The following FREM2 variants were observed in gnomAD, a reference collection of about 807,000 sequenced individuals.
FREM2 encodes FRAS1-related extracellular matrix protein 2.
FREM2 carries 119 observed loss-of-function variants against 219.9 expected under a neutral mutation model. That is an observed-to-expected ratio of 0.54 (90% confidence interval 0.47 to 0.63). The LOEUF (loss-of-function observed/expected upper bound fraction) is 0.63. Ranked by LOEUF, FREM2 falls within the 30% of genes least tolerant of loss-of-function variation. FREM2 has a pLI of 0.00. For missense variants in FREM2, 4,030 were observed against 3,993.6 expected, an observed-to-expected ratio of 1.01 and a Z score of -0.25; for synonymous variants, 1,562 against 1,522.8, an observed-to-expected ratio of 1.03 and a Z score of -0.60.
At chr13:38,708,485 C>G (rs1202414093) in intron 2 of FREM2, among the ~76,000 whole-genome samples, 3 of 152,014 alleles carry the variant, frequency 2.0e-5, no homozygotes, top group Non-Finnish European at 4.4e-5. Flanking sequence ...GAAACACTGT[C>G]TCTACTAAAA....
At chr13:38,745,195 A>G (rs1872416739) in intron 2 of FREM2, among the ~76,000 whole-genome samples, 1 of 152,226 alleles carries the variant, frequency 6.6e-6, no homozygotes, top group South Asian at 2.1e-4. Context: ...AATTAACCAG[A>G]TTCTAATCTG....
At chr13:38,776,266 C>G (rs1799698275) in intron 4 of FREM2, among the ~76,000 whole-genome samples, 2 of 152,242 alleles carry the variant, frequency 1.3e-5, no homozygotes, top group Admixed American at 1.3e-4. Flanking sequence ...TTTGAATGTG[C>G]CAAATTTCTT....
At chr13:38,724,405 G>A (rs1871424749) in intron 2 of FREM2, among the ~76,000 whole-genome samples, 2 of 152,162 alleles carry the variant, frequency 1.3e-5, no homozygotes, top group Non-Finnish European at 2.9e-5. Flanking sequence ...ATATGACAGA[G>A]TTAGAATTCA....
intron 3 of FREM2, among the ~76,000 whole-genome samples, chr13:38,766,322 C>T (rs1210893905): frequency 2.0e-5 from 3 of 151,836 alleles, no homozygotes; most frequent in African/African-American, 7.3e-5. Flanking sequence ...GTGGGGTTAA[C>T]GGCAGTTCTA....
chr13:38,784,749 G>A lies in FREM2; in HGVS notation c.5960G>A (p.Gly1987Glu). 2 of 1,614,150 alleles carry A rather than the reference G, an allele frequency of 1.2e-6. No individual in the cohort carries two copies. Among genetic ancestry groups the A allele is most frequent in the Non-Finnish European group, 1.7e-6 (2 of 1,179,992 alleles). The change falls in exon 6 of 24, where the codon GGA becomes GAA. Residue 1987 changes from glycine (G) to glutamate (E), a missense_variant. Gly to Glu is a moderately conservative substitution (Grantham distance 98, BLOSUM62 -2). Transcript: ENST00000280481. ...GTCCTTCTGAGCATGCCCATGGGGG[G>A]AAGAATCGGATCAGAGTTCCCAGGG... ...FHVLLSMPMG[G>E]RIGSEFPGAQ...
intron 2 of FREM2, among the ~76,000 whole-genome samples, chr13:38,747,111 C>CATA (rs796381913): frequency 3.9e-5 from 6 of 152,224 alleles, no homozygotes; most frequent in African/African-American, 1.2e-4. Flanking sequence ...CCCTACCTAC[C>CATA]TTGCCCACCA....
chr13:38,838,571 A>G (rs1295890956), intron 6 of FREM2, among the ~76,000 whole-genome samples: 1 of 151,994 alleles, frequency 6.6e-6, no homozygotes, highest in Non-Finnish European at 1.5e-5. Flanking sequence ...ACTTGGTTCT[A>G]TTCTCCCCAT....
chr13:38,740,224 ATACT>A (rs1455516458), intron 2 of FREM2, among the ~76,000 whole-genome samples: 3 of 152,218 alleles, frequency 2.0e-5, no homozygotes, highest in East Asian at 3.8e-4. Context: ...GTTTGCTCAA[ATACT>A]TAGGCTGTGG....
chr13:38,791,455 C>T (rs1257843071), intron 6 of FREM2, among the ~76,000 whole-genome samples: 1 of 152,164 alleles, frequency 6.6e-6, no homozygotes, highest in Non-Finnish European at 1.5e-5. Flanking sequence ...TCTCACGCTG[C>T]TGTGAAGAAA....
chr13:38,877,364 C>T, intron 21 of FREM2, 121 bp downstream of exon 21: 1 of 1,119,522 alleles, frequency 8.9e-7, no homozygotes. Flanking sequence ...GAGAATGTAA[C>T]TGGGTCTTTA....
intron 2 of FREM2, among the ~76,000 whole-genome samples, chr13:38,724,003 A>G (rs1428439447): frequency 1.3e-5 from 2 of 152,356 alleles, no homozygotes; most frequent in East Asian, 1.9e-4. Context: ...TGGCTCTGCT[A>G]CAATGGGTTC....
At chr13:38,803,204 T>C (rs944736300) in intron 6 of FREM2, among the ~76,000 whole-genome samples, 2 of 152,174 alleles carry the variant, frequency 1.3e-5, no homozygotes, top group Non-Finnish European at 2.9e-5. Context: ...ATATTACCTC[T>C]CAATAAAATT....
intron 21 of FREM2, among the ~76,000 whole-genome samples, chr13:38,877,764 T>TTATTCTA (rs1727512007): frequency 6.6e-6 from 1 of 152,268 alleles, no homozygotes; most frequent in African/African-American, 2.4e-5. Context: ...ACTTTCTTTC[T>TTATTCTA]TAGTGTTATT....
chr13:38,699,913 T>C (rs978432454), intron 2 of FREM2, among the ~76,000 whole-genome samples: 1 of 152,086 alleles, frequency 6.6e-6, no homozygotes, highest in African/African-American at 2.4e-5. Context: ...GTCTATACAA[T>C]GATAGTAGGC....
At chr13:38,877,385 C>G in intron 21 of FREM2, 142 bp downstream of exon 21, 1 of 943,250 alleles carries the variant, frequency 1.1e-6, no homozygotes, top group Non-Finnish European at 1.7e-6. Flanking sequence ...CCCACTCTGG[C>G]TGGTGTGGGA....
intron 2 of FREM2, among the ~76,000 whole-genome samples, chr13:38,753,287 A>T (rs1833470448): frequency 6.6e-6 from 1 of 152,188 alleles, no homozygotes; most frequent in African/African-American, 2.4e-5. Context: ...ATTATACTTA[A>T]TTTTAAACAC....
In FREM2 at chr13:38,881,570, A is replaced by G. The variant is rs1422395945; in HGVS notation, c.*783A>G. On this transcript the variant is annotated 3_prime_UTR_variant, in exon 24 of 24. Coordinates refer to ENST00000280481, the MANE Select transcript of FREM2 (RefSeq NM_207361.6). ...TGGTAATATACCTTATTGGTGCTCAACATTTGTGGGAAATTAGAGGGTTGG... is the reference window on the plus strand; with the variant it reads ...TGGTAATATACCTTATTGGTGCTCAGCATTTGTGGGAAATTAGAGGGTTGG... 6.5e-6 allele frequency: 1 copy of G among 152,724 alleles called. No individual in the cohort carries two copies. The highest frequency in any genetic ancestry group is 1.5e-5 in the Non-Finnish European group (1 of 68,124). The allele number at this position is 152,724 out of a possible 1,614,324, so 9.5% of individuals were successfully genotyped here.
chr13:38,733,192 A>G (rs1027851752), intron 2 of FREM2, among the ~76,000 whole-genome samples: 1 of 152,174 alleles, frequency 6.6e-6, no homozygotes, highest in Non-Finnish European at 1.5e-5. Context: ...TGGCAATGAA[A>G]CTATCAGTTT....
chr13:38,711,172 A>G (rs117579747), intron 2 of FREM2, among the ~76,000 whole-genome samples: 9,674 of 152,200 alleles, frequency 0.064, 433 homozygotes, highest in Non-Finnish European at 0.099. Context: ...TTAATCTCCC[A>G]TTTCTCTGCA....
Sources: gnomAD v4.1 joint callset for allele counts (sites outside exome capture counted in the v4.1 genomes callset) on GRCh38, gnomAD v4.1.1 for gene constraint, MANE v1.5 for transcripts, NCBI Gene and HGNC (gene_info 2026-07-23, HGNC 2026-07-21) for gene names.